The following MAML3 variants were observed in gnomAD, a reference collection of about 807,000 sequenced individuals.
The protein encoded by MAML3 is mastermind like transcriptional coactivator 3, also known as mastermind-like protein 3.
A neutral mutation model predicts 101.9 loss-of-function variants in MAML3; 27 were observed. The ratio of observed to expected loss-of-function variants is 0.27; its 90% CI spans 0.20 to 0.37. The LOEUF (loss-of-function observed/expected upper bound fraction) is 0.37, where lower values mean the gene tolerates loss of function less well. Among genes scored for constraint, MAML3 ranks in the 10% least tolerant of loss-of-function variants. The pLI, the probability that MAML3 is intolerant of heterozygous loss-of-function variation, is 1.00. For synonymous variants in MAML3, 501 were observed against 555.9 expected (o/e 0.90, Z 1.39); for missense variants, 1,316 against 1,444.9 (o/e 0.91, Z 1.45).
rs70943452 is a variant in MAML3, at chr4:139,883,889, C to CT, written c.2079+5467dup. Among the ~76,000 whole-genome samples the CT allele has an allele frequency of 6.4e-3, 472 of 74,234 alleles. 5 individuals are homozygous for CT. Among genetic ancestry groups the CT allele is most frequent in the African/African-American group, 8.6e-3 (164 of 18,976 alleles). 48.7% of individuals were successfully genotyped at this position (74,234 alleles called of 152,430 possible). A position where few individuals can be genotyped will look rare whatever the true frequency, so the allele number is the denominator to read the frequency against. On this transcript the variant is annotated intron_variant, in intron 2 of 4. Coordinates refer to ENST00000509479, the MANE Select transcript of MAML3 (RefSeq NM_018717.5). ...TTTTTTTTTTTAAATAATTGCTTGT[C>CT]TTTTTTTTTTTTTTTTTTTTTGAGA...
intron 2 of MAML3, among the ~76,000 whole-genome samples, chr4:139,833,915 CTGGGGG>C (rs1731215381): frequency 6.6e-6 from 1 of 151,760 alleles, no homozygotes; most frequent in East Asian, 1.9e-4. Flanking sequence ...TGTGCTTAGG[CTGGGGG>C]TGGGGCTTCC....
chr4:140,071,755 T>TAGAGAGAGAGAGAGAGAGAGAGAG (rs11268401), intron 1 of MAML3, among the ~76,000 whole-genome samples: 135 of 137,350 alleles, frequency 9.8e-4, no homozygotes, highest in Non-Finnish European at 1.5e-3. Context: ...GGACCAGGAT[T>TAGAGAGAGAGAGAGAGAGAGAGAG]AGAGAGAGAG....
rs965182939 is a variant in MAML3 at position 139,780,372 on chromosome 4, A to C, written c.2080-49705T>G. Among the ~76,000 whole-genome samples the C allele has an allele frequency of 2.0e-5, 3 of 152,328 alleles. No individual in the cohort carries two copies. In the South Asian group the frequency reaches 6.2e-4, roughly 32 times the overall value. ...TTTGAGAATTCTCTGGGTGCCATGC[A>C]TCTACCTAGAAAGCAGACACCACAA... is the stretch of plus-strand genomic sequence containing the variant. On this transcript the variant is annotated intron_variant, in intron 2 of 4. Transcript: ENST00000509479.
intron 1 of MAML3, among the ~76,000 whole-genome samples, chr4:139,930,206 G>C (rs192996155): frequency 1.2e-4 from 18 of 152,180 alleles, no homozygotes; most frequent in African/African-American, 4.3e-4. Context: ...GTACCACGTG[G>C]AAGATGGAGG....
chr4:139,899,417 T>C (rs1467145497), intron 1 of MAML3, among the ~76,000 whole-genome samples: 1 of 152,242 alleles, frequency 6.6e-6, no homozygotes, highest in Non-Finnish European at 1.5e-5. Context: ...ATTTTAGGTT[T>C]CTCTGAGCAC....
Position 140,091,537 on chromosome 4 carries a change from C to CAAAAAAAAAAAAAAAAA in MAML3, c.468+61322_468+61323insTTTTTTTTTTTTTTTTT, listed in dbSNP as rs570700966. Among the ~76,000 whole-genome samples, 33 of 71,562 alleles carry CAAAAAAAAAAAAAAAAA rather than the reference C, an allele frequency of 4.6e-4. 2 individuals are homozygous for CAAAAAAAAAAAAAAAAA. The highest frequency in any genetic ancestry group is 5.8e-4 in the East Asian group (1 of 1,730). The allele number at this position is 71,562 out of a possible 152,430, so 46.9% of individuals were successfully genotyped here. A position where few individuals can be genotyped will look rare whatever the true frequency, so the allele number is the denominator to read the frequency against. ...TGTAAAACAAAACAAAACAACAAAA[C>CAAAAAAAAAAAAAAAAA]AAAAACAAAACAAAAAAAAAAAACA... is the stretch of plus-strand genomic sequence containing the variant. On this transcript the variant is annotated intron_variant, in intron 1 of 4. Transcript: ENST00000509479.
At chr4:139,826,536 T>C (rs541248264) in intron 2 of MAML3, among the ~76,000 whole-genome samples, 10 of 152,264 alleles carry the variant, frequency 6.6e-5, no homozygotes, top group African/African-American at 9.6e-5. Flanking sequence ...TAGGACACAA[T>C]TGTGGACAAT....
intron 1 of MAML3, among the ~76,000 whole-genome samples, chr4:140,120,526 A>G (rs1258754028): frequency 1.3e-5 from 2 of 152,230 alleles, no homozygotes; most frequent in African/African-American, 2.4e-5. Context: ...TTTTAAGGGT[A>G]TCCAATCGTT....
intron 2 of MAML3, among the ~76,000 whole-genome samples, chr4:139,791,989 C>G (rs1730423425): frequency 6.6e-6 from 1 of 152,234 alleles, no homozygotes; most frequent in African/African-American, 2.4e-5. Flanking sequence ...TCTGTTTGAA[C>G]TTAGATCCTT....
chr4:139,953,575 C>T (rs528655791), intron 1 of MAML3, among the ~76,000 whole-genome samples: 11 of 152,178 alleles, frequency 7.2e-5, no homozygotes, highest in Admixed American at 5.9e-4. Context: ...GCTGAGATGG[C>T]GCCAATGTAC....
intron 1 of MAML3, among the ~76,000 whole-genome samples, chr4:139,966,763 A>G (rs1414200375): frequency 6.6e-6 from 1 of 152,206 alleles, no homozygotes; most frequent in African/African-American, 2.4e-5. Flanking sequence ...ATCAACGAGC[A>G]GTCTTTGGTT....
At position 139,874,843 on chromosome 4, in the gene MAML3, G is replaced by A. The variant is rs1181081300; in HGVS notation, c.2079+14514C>T. 4.5e-5 allele frequency among the ~76,000 whole-genome samples: 6 copies of A among 132,872 alleles called. No homozygotes were observed. The East Asian group carries it at 1.1e-3, about 24-fold the overall frequency. The allele number at this position is 132,872 out of a possible 152,430, so 87.2% of individuals were successfully genotyped here. ...TTTTGAGATGGAGTCTTGCCCTGTC[G>A]CCCAGGCTGGAGTGCAGTGGCGCGA... On this transcript the variant is annotated intron_variant, in intron 2 of 4. Coordinates refer to ENST00000509479, the MANE Select transcript of MAML3 (RefSeq NM_018717.5).
intron 1 of MAML3, among the ~76,000 whole-genome samples, chr4:139,973,344 C>T (rs951594571): frequency 9.2e-5 from 14 of 152,298 alleles, no homozygotes; most frequent in East Asian, 5.8e-4. Flanking sequence ...AGGCTGAATT[C>T]GCTTTCCCTA....
At chr4:139,821,787 G>A (rs551368344) in intron 2 of MAML3, among the ~76,000 whole-genome samples, 32 of 152,322 alleles carry the variant, frequency 2.1e-4, no homozygotes, top group Non-Finnish European at 3.5e-4. Context: ...TTTACATAAT[G>A]TGGACAATAG....
chr4:139,810,274 C>T (rs947546364), intron 2 of MAML3, among the ~76,000 whole-genome samples: 1 of 150,488 alleles, frequency 6.6e-6, no homozygotes, highest in Non-Finnish European at 1.5e-5. Context: ...CTCGCTGCAG[C>T]CTCAAACTCC....
intron 1 of MAML3, among the ~76,000 whole-genome samples, chr4:139,944,434 G>T (rs1385883292): frequency 2.0e-5 from 3 of 151,842 alleles, no homozygotes; most frequent in Non-Finnish European, 4.4e-5. Context: ...GCAGTGTTTG[G>T]TTTTTTGTTC....
At chr4:139,950,589 A>G (rs924598568) in intron 1 of MAML3, among the ~76,000 whole-genome samples, 2 of 152,184 alleles carry the variant, frequency 1.3e-5, no homozygotes, top group African/African-American at 4.8e-5. Flanking sequence ...TAGTTCTTAT[A>G]AGAAAAGATA....
intron 1 of MAML3, among the ~76,000 whole-genome samples, chr4:140,051,370 C>T (rs1727264461): frequency 1.3e-5 from 2 of 151,984 alleles, no homozygotes; most frequent in Admixed American, 1.3e-4. Context: ...GCCTGGCCAA[C>T]ATGGTGAAAC....
chr4:139,903,781 C>T (rs1030494837), intron 1 of MAML3, among the ~76,000 whole-genome samples: 5 of 152,190 alleles, frequency 3.3e-5, no homozygotes, highest in African/African-American at 7.2e-5. Context: ...GTAATTTATA[C>T]ATAAATGTAT....
Sources: gnomAD v4.1 joint callset for allele counts (sites outside exome capture counted in the v4.1 genomes callset) on GRCh38, gnomAD v4.1.1 for gene constraint, MANE v1.5 for transcripts, NCBI Gene and HGNC (gene_info 2026-07-23, HGNC 2026-07-21) for gene names.